The following TUSC3 variants were observed in gnomAD, a reference collection of about 807,000 sequenced individuals.
TUSC3 encodes dolichyl-diphosphooligosaccharide--protein glycosyltransferase subunit TUSC3.
In TUSC3, 45 loss-of-function variants were observed where a neutral mutation model predicts 44.8. The ratio of observed to expected loss-of-function variants is 1.00; its 90% CI spans 0.79 to 1.29. The LOEUF (loss-of-function observed/expected upper bound fraction) is 1.29, where lower values mean the gene tolerates loss of function less well. Among genes scored for constraint, TUSC3 ranks in the 50% most tolerant of loss-of-function variants. The pLI, the probability that TUSC3 is intolerant of heterozygous loss-of-function variation, is 0.00. For synonymous variants in TUSC3, 212 were observed against 152.9 expected, an observed-to-expected ratio of 1.39 and a Z score of -2.85; for missense variants, 519 against 437.9, an observed-to-expected ratio of 1.19 and a Z score of -1.65.
rs1386426218 is a variant in TUSC3 at position 15,556,875 on chromosome 8, T to A, written c.138+16307T>A. On this transcript the variant is annotated intron_variant, in intron 1 of 10. Transcript: ENST00000503731. Reference sequence around the variant, plus strand: ...TGTTTGTTTTTTTCTTGTAAATTTGTTTGAGTTCATTGTAGATTCTGGATA... The same window carrying A: ...TGTTTGTTTTTTTCTTGTAAATTTGATTGAGTTCATTGTAGATTCTGGATA... 2.8e-5 allele frequency among the ~76,000 whole-genome samples: 4 copies of A among 143,908 alleles called. No homozygotes were observed. In the East Asian group the frequency reaches 6.5e-4, roughly 23 times the overall value. 94.4% of individuals were successfully genotyped at this position (143,908 alleles called of 152,430 possible).
At chr8:15,555,112 C>T (rs936843983) in intron 1 of TUSC3, among the ~76,000 whole-genome samples, 1 of 142,836 alleles carries the variant, frequency 7.0e-6, no homozygotes, top group East Asian at 2.1e-4. Context: ...TGATTAGGTA[C>T]GTAGGTGACA....
chr8:15,463,780 C>T (rs1800379114), intron 1 of TUSC3, among the ~76,000 whole-genome samples: 1 of 152,180 alleles, frequency 6.6e-6, no homozygotes, highest in South Asian at 2.1e-4. Context: ...TTCTCTACAA[C>T]CAGGATGATT....
intron 2 of TUSC3, among the ~76,000 whole-genome samples, chr8:15,514,690 G>A (rs1340208215): frequency 6.6e-6 from 1 of 152,170 alleles, no homozygotes; most frequent in Non-Finnish European, 1.5e-5. Flanking sequence ...ATGTTTTAGT[G>A]TTAGTATGTT....
chr8:15,576,196 T>A (rs924429706), intron 1 of TUSC3, among the ~76,000 whole-genome samples: 8 of 151,182 alleles, frequency 5.3e-5, no homozygotes, highest in Non-Finnish European at 1.2e-4. Flanking sequence ...ATTAGTTCAC[T>A]AGTTGATGAA....
At chr8:15,565,390 C>T (rs1405002618) in intron 1 of TUSC3, among the ~76,000 whole-genome samples, 1 of 152,086 alleles carries the variant, frequency 6.6e-6, no homozygotes, top group Non-Finnish European at 1.5e-5. Context: ...CATCTTGTGT[C>T]AGGTAAGGTA....
chr8:15,801,974 G>A, the TUSC3 span, among the ~76,000 whole-genome samples: 1 of 152,272 alleles, frequency 6.6e-6, no homozygotes, highest in East Asian at 1.9e-4. Flanking sequence ...TTCCTATCAG[G>A]TCCTTTGGGA....
rs912780401 is a variant in TUSC3 at position 15,540,466 on chromosome 8, A to G, written c.36A>G (p.Gln12=). The G allele has an allele frequency of 1.6e-5, 26 of 1,606,134 alleles. No homozygotes were observed. Among genetic ancestry groups the G allele is most frequent in the Non-Finnish European group, 2.1e-5 (25 of 1,177,234 alleles). The change falls in exon 1 of 11, where the codon CAA becomes CAG. Residue 12 remains glutamine, a synonymous_variant. Coordinates refer to ENST00000503731, the MANE Select transcript of TUSC3 (RefSeq NM_006765.4). The part of the protein sequence containing the change: ...GARGAPSRRR[Q]AGRRLRYLPT... ...GGGGCGCTCCTTCACGCCGTAGGCA[A>G]GCGGGGCGGCGGCTGCGGTACCTGC...
intron 6 of TUSC3, among the ~76,000 whole-genome samples, chr8:15,724,234 T>A (rs1390626412): frequency 6.6e-6 from 1 of 152,120 alleles, no homozygotes; most frequent in Non-Finnish European, 1.5e-5. Flanking sequence ...ATCTTGGACT[T>A]TGAACCTCTT....
At chr8:15,789,103 T>C in the TUSC3 span, among the ~76,000 whole-genome samples, 15 of 152,218 alleles carry the variant, frequency 9.9e-5, 1 homozygote, top group Non-Finnish European at 1.5e-5. Flanking sequence ...CCCATGACTA[T>C]GAACAAATAG....
chr8:15,675,922 A>C (rs1385486007), intron 6 of TUSC3, among the ~76,000 whole-genome samples: 1 of 152,082 alleles, frequency 6.6e-6, no homozygotes. Context: ...TTTTTTGTAG[A>C]ACAATTTATT....
the TUSC3 span, among the ~76,000 whole-genome samples, chr8:15,776,646 T>A: frequency 2.6e-5 from 4 of 152,206 alleles, no homozygotes; most frequent in Non-Finnish European, 5.9e-5. Flanking sequence ...TACATTCTTT[T>A]GAAATTTATA....
chr8:15,835,706 G>C, the TUSC3 span, among the ~76,000 whole-genome samples: 1 of 152,258 alleles, frequency 6.6e-6, no homozygotes, highest in South Asian at 2.1e-4. Flanking sequence ...TAGGAGAGAA[G>C]ATACAGTCTC....
the TUSC3 span, among the ~76,000 whole-genome samples, chr8:15,776,221 G>T: frequency 3.9e-5 from 6 of 152,040 alleles, no homozygotes; most frequent in Non-Finnish European, 7.4e-5. Context: ...TTAAAAATAC[G>T]TGGGGCCTCA....
chr8:15,707,299 TG>T (rs757613251), intron 6 of TUSC3, among the ~76,000 whole-genome samples: 1 of 152,028 alleles, frequency 6.6e-6, no homozygotes, highest in Non-Finnish European at 1.5e-5. Context: ...GTTGGACTTT[TG>T]TTTCCTGTCC....
intron 5 of TUSC3, among the ~76,000 whole-genome samples, chr8:15,673,095 A>G (rs533131219): frequency 1.3e-5 from 2 of 152,144 alleles, no homozygotes; most frequent in African/African-American, 4.8e-5. Flanking sequence ...TGGTTTATGC[A>G]TTCTCTCCCC....
At chr8:15,566,144 C>CTGA (rs1802663019) in intron 1 of TUSC3, among the ~76,000 whole-genome samples, 1 of 152,114 alleles carries the variant, frequency 6.6e-6, no homozygotes, top group African/African-American at 2.4e-5. Flanking sequence ...CTCTAGACAA[C>CTGA]GTTATCAGAA....
At chr8:15,692,206 C>A (rs1808931029) in intron 6 of TUSC3, among the ~76,000 whole-genome samples, 1 of 152,054 alleles carries the variant, frequency 6.6e-6, no homozygotes, top group African/African-American at 2.4e-5. Context: ...TTTTGATGTA[C>A]TGCTGGATTT....
At chr8:15,559,473 T>C (rs1467695916) in intron 1 of TUSC3, among the ~76,000 whole-genome samples, 5 of 146,862 alleles carry the variant, frequency 3.4e-5, no homozygotes, top group African/African-American at 5.0e-5. Context: ...CAAAAATGTA[T>C]ATTCTGTTGA....
rs376535106 is a variant in TUSC3 at position 15,605,704 on chromosome 8, T to C, written c.139-17376T>C. Among the ~76,000 whole-genome samples the C allele has an allele frequency of 3.2e-4, 48 of 151,998 alleles. 1 individual carries two copies. The highest frequency in any genetic ancestry group is 1.2e-3 in the African/African-American group (48 of 41,486). ...TTTAGTACCATAAGATATACACAAA[T>C]CTATTATAAAAAGGTCAAAACTTGT... On this transcript the variant is annotated intron_variant, in intron 1 of 10. Transcript: ENST00000503731.
Sources: gnomAD v4.1 joint callset for allele counts (sites outside exome capture counted in the v4.1 genomes callset) on GRCh38, gnomAD v4.1.1 for gene constraint, MANE v1.5 for transcripts, NCBI Gene and HGNC (gene_info 2026-07-23, HGNC 2026-07-21) for gene names.